The following NELL1 variants were observed in gnomAD, a reference collection of about 807,000 sequenced individuals.
The protein encoded by NELL1 is protein kinase C-binding protein NELL1.
NELL1 carries 76 observed loss-of-function variants against 107.4 expected under a neutral mutation model. The ratio of observed to expected loss-of-function variants is 0.71; its 90% CI spans 0.59 to 0.86. NELL1 has a LOEUF of 0.86. Among genes scored for constraint, NELL1 ranks in the 40% least tolerant of loss-of-function variants. The pLI, the probability that NELL1 is intolerant of heterozygous loss-of-function variation, is 0.00. For synonymous variants in NELL1, 353 were observed against 341.2 expected (o/e 1.03, Z -0.38); for missense variants, 1,024 against 1,005.5 (o/e 1.02, Z -0.25).
intron 2 of NELL1, among the ~76,000 whole-genome samples, chr11:20,720,447 T>A (rs1855354338): frequency 6.6e-6 from 1 of 152,154 alleles, no homozygotes; most frequent in Non-Finnish European, 1.5e-5. Context: ...GACCTTGTGA[T>A]CTGCCTGCCT....
At chr11:21,392,392 C>A (rs558811636) in intron 15 of NELL1, among the ~76,000 whole-genome samples, 2 of 151,954 alleles carry the variant, frequency 1.3e-5, no homozygotes, top group African/African-American at 2.4e-5. Flanking sequence ...GGCTATGAGT[C>A]ATTTTCTCCT....
At chr11:21,078,325 C>G (rs1040377219) in intron 12 of NELL1, among the ~76,000 whole-genome samples, 1 of 152,004 alleles carries the variant, frequency 6.6e-6, no homozygotes, top group South Asian at 2.1e-4. Flanking sequence ...GAATAAGGCA[C>G]TCCACATACC....
chr11:20,833,781 G>A (rs1196568079), intron 3 of NELL1, among the ~76,000 whole-genome samples: 1 of 152,154 alleles, frequency 6.6e-6, no homozygotes, highest in South Asian at 2.1e-4. Context: ...GGAAATAATG[G>A]GATAAGAGCC....
At chr11:20,955,492 A>T (rs969899446) in intron 11 of NELL1, among the ~76,000 whole-genome samples, 11 of 152,170 alleles carry the variant, frequency 7.2e-5, no homozygotes, top group Non-Finnish European at 1.0e-4. Flanking sequence ...CTACCTAGAG[A>T]TTTGTGAATT....
intron 10 of NELL1, among the ~76,000 whole-genome samples, chr11:20,944,845 G>T (rs930895970): frequency 6.6e-6 from 1 of 152,124 alleles, no homozygotes; most frequent in Non-Finnish European, 1.5e-5. Context: ...TATGTTAAAG[G>T]TTGATTAGAA....
intron 13 of NELL1, among the ~76,000 whole-genome samples, chr11:21,180,544 G>A (rs1856805920): frequency 2.0e-5 from 3 of 151,742 alleles, no homozygotes; most frequent in Non-Finnish European, 4.4e-5. Context: ...GGCAAATAAA[G>A]TAGAAATAAA....
At chr11:21,044,072 CAG>C (rs1853300879) in intron 12 of NELL1, among the ~76,000 whole-genome samples, 1 of 152,024 alleles carries the variant, frequency 6.6e-6, no homozygotes, top group South Asian at 2.1e-4. Context: ...TTGAGATTGG[CAG>C]AGAGAATGAT....
intron 14 of NELL1, among the ~76,000 whole-genome samples, chr11:21,295,788 G>A (rs1240082236): frequency 1.3e-5 from 2 of 151,944 alleles, no homozygotes; most frequent in African/African-American, 2.4e-5. Context: ...ACACTGATAT[G>A]GGAAGCTACT....
chr11:21,077,745 GAA>G (rs11381496), intron 12 of NELL1, among the ~76,000 whole-genome samples: 7 of 137,598 alleles, frequency 5.1e-5, no homozygotes, highest in African/African-American at 1.6e-4. Context: ...TCTGTCTCAG[GAA>G]AAAAAAAAAA....
At chr11:21,393,177 A>G (rs1258241932) in intron 15 of NELL1, among the ~76,000 whole-genome samples, 1 of 151,732 alleles carries the variant, frequency 6.6e-6, no homozygotes, top group African/African-American at 2.4e-5. Flanking sequence ...TCAAGATGCC[A>G]CAGAGATGAG....
chr11:20,941,499 C>T (rs545668732), intron 10 of NELL1, among the ~76,000 whole-genome samples: 17 of 152,230 alleles, frequency 1.1e-4, no homozygotes, highest in African/African-American at 3.9e-4. Flanking sequence ...GGTTGGAGAA[C>T]ATAACTTGAG....
chr11:21,202,117 G>T lies in NELL1; in HGVS notation c.1427-27215G>T, dbSNP rs567392638. Reference sequence around the variant, plus strand: ...TTTTGTTGTATCTCTGCCAGGTTTGGTGTCAGGAGGACATTGGCCTCATAA... The same window carrying T: ...TTTTGTTGTATCTCTGCCAGGTTTGTTGTCAGGAGGACATTGGCCTCATAA... On this transcript the variant is annotated intron_variant, in intron 13 of 19. Transcript: ENST00000357134. Among the ~76,000 whole-genome samples the T allele has an allele frequency of 3.7e-4, 57 of 152,284 alleles. No individual in the cohort carries two copies. In the South Asian group the frequency reaches 0.012, roughly 32 times the overall value.
intron 11 of NELL1, among the ~76,000 whole-genome samples, chr11:20,953,156 T>TA (rs1361771941): frequency 6.6e-6 from 1 of 152,174 alleles, no homozygotes; most frequent in Non-Finnish European, 1.5e-5. Flanking sequence ...CATTGCTCCT[T>TA]ACGTGAATTT....
chr11:21,140,736 C>T (rs978081730), intron 13 of NELL1, among the ~76,000 whole-genome samples: 2 of 152,094 alleles, frequency 1.3e-5, no homozygotes, highest in African/African-American at 2.4e-5. Context: ...ATTGCTAGCT[C>T]TTTATAGAAA....
chr11:20,844,287 G>A (rs1358826718), intron 3 of NELL1, among the ~76,000 whole-genome samples: 1 of 152,154 alleles, frequency 6.6e-6, no homozygotes, highest in Non-Finnish European at 1.5e-5. Context: ...GGAGATGGGA[G>A]TATAAAGGAA....
chr11:21,451,741 A>G (rs1853592368), intron 15 of NELL1, among the ~76,000 whole-genome samples: 1 of 152,218 alleles, frequency 6.6e-6, no homozygotes, highest in Non-Finnish European at 1.5e-5. Context: ...TTTGGAACCA[A>G]TGGAGGCTTC....
At chr11:21,441,544 A>C (rs1392314101) in intron 15 of NELL1, among the ~76,000 whole-genome samples, 2 of 151,980 alleles carry the variant, frequency 1.3e-5, no homozygotes, top group Non-Finnish European at 2.9e-5. Context: ...AGGCTGTATG[A>C]TATTGTAACA....
chr11:20,910,867 A>T (rs7121647), intron 5 of NELL1, among the ~76,000 whole-genome samples: 100,197 of 152,114 alleles, frequency 0.66, 35,488 homozygotes, highest in Non-Finnish European at 0.81. Context: ...TTCCTGAAGG[A>T]AATGCAGATT....
chr11:20,940,175 TCCTCCCTC>T (rs1241700457), intron 10 of NELL1, among the ~76,000 whole-genome samples: 1 of 151,660 alleles, frequency 6.6e-6, no homozygotes, highest in Admixed American at 6.6e-5. Context: ...CTCCCTCCCT[TCCTCCCTC>T]CCTCCGTCCC....
Sources: allele counts gnomAD v4.1 joint callset (sites outside exome capture counted in the v4.1 genomes callset), GRCh38; gene constraint gnomAD v4.1.1; transcripts MANE v1.5; gene names NCBI Gene and HGNC (gene_info 2026-07-23, HGNC 2026-07-21).